The following KIAA1328 variants were observed in gnomAD, a reference collection of about 807,000 sequenced individuals.
KIAA1328 encodes protein hinderin.
Under a neutral mutation model 68.1 loss-of-function variants are expected in KIAA1328, and 52 were observed. That is an observed-to-expected ratio of 0.76 (90% confidence interval 0.61 to 0.96). KIAA1328 has a LOEUF of 0.96. KIAA1328 is among the 40% of genes least tolerant of loss of function. The probability of loss-of-function intolerance (pLI) is 0.00; values close to 1 mark genes in which losing one functional copy is unlikely to be tolerated. For synonymous variants in KIAA1328, 232 were observed against 239.4 expected, an observed-to-expected ratio of 0.97 and a Z score of 0.28; for missense variants, 641 against 677.6, an observed-to-expected ratio of 0.95 and a Z score of 0.60.
intron 6 of KIAA1328, among the ~76,000 whole-genome samples, chr18:37,008,578 A>C (rs2053863756): frequency 6.6e-6 from 1 of 152,230 alleles, no homozygotes; most frequent in African/African-American, 2.4e-5. Context: ...TCACAACTCC[A>C]GGGTCAACCA....
intron 6 of KIAA1328, among the ~76,000 whole-genome samples, chr18:36,963,764 C>T (rs1221984591): frequency 6.6e-6 from 1 of 152,106 alleles, no homozygotes; most frequent in Non-Finnish European, 1.5e-5. Flanking sequence ...GTAATGTCAC[C>T]TTTTTTGTTA....
intron 4 of KIAA1328, among the ~76,000 whole-genome samples, chr18:36,864,621 G>C (rs1280470354): frequency 2.0e-5 from 2 of 99,520 alleles, no homozygotes; most frequent in South Asian, 3.3e-4. Flanking sequence ...GTACTGTCTT[G>C]GTCTGTTTTT....
At chr18:36,887,047 A>C (rs1253246868) in intron 5 of KIAA1328, among the ~76,000 whole-genome samples, 1 of 151,584 alleles carries the variant, frequency 6.6e-6, no homozygotes, top group Non-Finnish European at 1.5e-5. Flanking sequence ...AGTCTAGATG[A>C]GTGCTTTTTC....
intron 5 of KIAA1328, among the ~76,000 whole-genome samples, chr18:36,932,780 T>G (rs1419884057): frequency 6.6e-6 from 1 of 152,200 alleles, no homozygotes; most frequent in Non-Finnish European, 1.5e-5. Context: ...TGGTTTAAGC[T>G]TGGATTAAAA....
intron 6 of KIAA1328, among the ~76,000 whole-genome samples, chr18:36,962,992 G>A (rs561135454): frequency 1.3e-5 from 2 of 152,206 alleles, no homozygotes; most frequent in South Asian, 4.1e-4. Context: ...AGGAGATAGA[G>A]GCACAAAAAA....
chr18:36,996,690 T>C (rs2053405074), intron 6 of KIAA1328, among the ~76,000 whole-genome samples: 1 of 152,152 alleles, frequency 6.6e-6, no homozygotes, highest in African/African-American at 2.4e-5. Flanking sequence ...ATATTAGAGT[T>C]CTGGCATTAA....
chr18:36,928,220 T>C (rs1297978005), intron 5 of KIAA1328, among the ~76,000 whole-genome samples: 3 of 152,146 alleles, frequency 2.0e-5, no homozygotes, highest in African/African-American at 7.2e-5. Context: ...ATATATTAAT[T>C]ATTGCTGTCT....
Position 37,223,331 on chromosome 18 carries a change from A to G in KIAA1328, c.*1104A>G. 2.0e-6 allele frequency: 2 copies of G among 985,320 alleles called. No individual in the cohort carries two copies. The highest frequency in any genetic ancestry group is 2.4e-6 in the Non-Finnish European group (2 of 829,938). The allele number at this position is 985,320 out of a possible 1,614,324, so 61.0% of individuals were successfully genotyped here. A position where few individuals can be genotyped will look rare whatever the true frequency, so the allele number is the denominator to read the frequency against. On this transcript the variant is annotated 3_prime_UTR_variant, in exon 10 of 10. Coordinates refer to ENST00000280020, the MANE Select transcript of KIAA1328 (RefSeq NM_020776.3). ...ACTGGCCTCGTTTTGACCCAGAGAAAGCCTATGGAAGTTATGCAGTGCAGA... is the reference window on the plus strand; with the variant it reads ...ACTGGCCTCGTTTTGACCCAGAGAAGGCCTATGGAAGTTATGCAGTGCAGA...
intron 4 of KIAA1328, among the ~76,000 whole-genome samples, chr18:36,848,495 T>C (rs919059582): frequency 2.8e-5 from 4 of 143,184 alleles, no homozygotes; most frequent in African/African-American, 1.0e-4. Context: ...AGATGTCATC[T>C]ACAAGTAAAA....
At chr18:37,086,767 A>G (rs1299444170) in intron 7 of KIAA1328, among the ~76,000 whole-genome samples, 2 of 152,210 alleles carry the variant, frequency 1.3e-5, no homozygotes, top group Non-Finnish European at 2.9e-5. Flanking sequence ...TAGTATTGCC[A>G]TTAAGAAGTG....
chr18:37,075,111 C>G (rs1432321868), intron 7 of KIAA1328: 2 of 151,836 alleles, frequency 1.3e-5, no homozygotes, highest in Admixed American at 6.6e-5. Flanking sequence ...AAAGGGAAGC[C>G]CATCAGACTA....
At chr18:36,843,585 T>C (rs1225934993) in intron 3 of KIAA1328, among the ~76,000 whole-genome samples, 1 of 152,170 alleles carries the variant, frequency 6.6e-6, no homozygotes, top group Admixed American at 6.5e-5. Context: ...GTTTAAGTCT[T>C]GATTCTGCTA....
chr18:36,918,031 T>C (rs1199166068), intron 5 of KIAA1328, among the ~76,000 whole-genome samples: 2 of 152,122 alleles, frequency 1.3e-5, no homozygotes, highest in East Asian at 3.9e-4. Context: ...AGTTGTTTTC[T>C]ATGGGAGGAT....
intron 7 of KIAA1328, among the ~76,000 whole-genome samples, chr18:37,109,248 C>T (rs1599300353): frequency 6.6e-6 from 1 of 152,268 alleles, no homozygotes; most frequent in South Asian, 2.1e-4. Flanking sequence ...TATGCAGACA[C>T]TGGTTTTAAA....
At chr18:36,888,185 A>G (rs1483199401) in intron 5 of KIAA1328, among the ~76,000 whole-genome samples, 1 of 152,138 alleles carries the variant, frequency 6.6e-6, no homozygotes, top group Admixed American at 6.5e-5. Context: ...GGAGAACACT[A>G]CTACTGTGGG....
At chr18:36,908,984 C>CT (rs2049324500) in intron 5 of KIAA1328, among the ~76,000 whole-genome samples, 1 of 152,124 alleles carries the variant, frequency 6.6e-6, no homozygotes, top group Admixed American at 6.6e-5. Flanking sequence ...GAATCAGAGT[C>CT]TATGTGGTAC....
chr18:37,101,775 G>A (rs913089961), intron 7 of KIAA1328, among the ~76,000 whole-genome samples: 7 of 152,108 alleles, frequency 4.6e-5, no homozygotes, highest in African/African-American at 9.7e-5. Context: ...GAGAAAGGTC[G>A]GGTTACCCAC....
At chr18:36,961,638 C>T (rs2051679237) in intron 6 of KIAA1328, among the ~76,000 whole-genome samples, 1 of 152,210 alleles carries the variant, frequency 6.6e-6, no homozygotes, top group Non-Finnish European at 1.5e-5. Flanking sequence ...CCCTACAAGC[C>T]AGAAGAGAGT....
At chr18:37,138,582 A>G (rs2058695864) in intron 7 of KIAA1328, among the ~76,000 whole-genome samples, 1 of 152,136 alleles carries the variant, frequency 6.6e-6, no homozygotes, top group Non-Finnish European at 1.5e-5. Context: ...CTAGTAAATT[A>G]TTATTCCTTT....
Sources: gnomAD v4.1 joint callset for allele counts (sites outside exome capture counted in the v4.1 genomes callset) on GRCh38, gnomAD v4.1.1 for gene constraint, MANE v1.5 for transcripts, NCBI Gene and HGNC (gene_info 2026-07-23, HGNC 2026-07-21) for gene names.